ZCCHC2: variants seen among roughly 807,000 people sequenced by gnomAD.
ZCCHC2 encodes the protein zinc finger CCHC domain-containing protein 2.
Under a neutral mutation model 103.6 loss-of-function variants are expected in ZCCHC2, and 39 were observed. The observed-to-expected ratio is 0.38, with a 90% CI of 0.29 to 0.49. The LOEUF is 0.49. Among genes scored for constraint, ZCCHC2 ranks in the 20% least tolerant of loss-of-function variants. The pLI is 0.96. For synonymous variants in ZCCHC2, 687 were observed against 608.9 expected, an observed-to-expected ratio of 1.13 and a Z score of -1.89; for missense variants, 1,483 against 1,491.0, an observed-to-expected ratio of 0.99 and a Z score of 0.09.
intron 5 of ZCCHC2, among the ~76,000 whole-genome samples, chr18:62,555,676 C>T (rs1490749962): frequency 6.6e-6 from 1 of 152,142 alleles, no homozygotes; most frequent in Admixed American, 6.5e-5. Flanking sequence ...GGCGTGGTGG[C>T]ACATGCCTGT....
chr18:62,530,038 C>G (rs756429188), intron 1 of ZCCHC2, among the ~76,000 whole-genome samples: 1 of 152,146 alleles, frequency 6.6e-6, no homozygotes, highest in Non-Finnish European at 1.5e-5. Context: ...TACACAAATA[C>G]TAGGCCATTT....
rs1291082816 is a variant in ZCCHC2, at chr18:62,578,120, T to G, written c.*1541T>G. 1 of 152,496 alleles carries G rather than the reference T, an allele frequency of 6.6e-6. No individual in the cohort carries two copies. Among genetic ancestry groups the G allele is most frequent in the African/African-American group, 2.4e-5 (1 of 41,398 alleles). The allele number at this position is 152,496 out of a possible 1,614,324, so 9.4% of individuals were successfully genotyped here. On this transcript the variant is annotated 3_prime_UTR_variant, in exon 14 of 14. Coordinates refer to ENST00000269499, the MANE Select transcript of ZCCHC2 (RefSeq NM_017742.6). ...ATGCTTCATAAGTAGCATTTATATTTATAGCACCAATGTACATTTTGAAAC... is the reference window on the plus strand; with the variant it reads ...ATGCTTCATAAGTAGCATTTATATTGATAGCACCAATGTACATTTTGAAAC...
chr18:62,525,889 G>T (rs1914366506), intron 1 of ZCCHC2: 1 of 151,934 alleles, frequency 6.6e-6, no homozygotes, highest in Non-Finnish European at 1.5e-5. Context: ...ATTAAATTTA[G>T]AGACAAAAAC....
chr18:62,554,454 A>T (rs1598949590), intron 5 of ZCCHC2, among the ~76,000 whole-genome samples: 1 of 152,232 alleles, frequency 6.6e-6, no homozygotes, highest in Non-Finnish European at 1.5e-5. Flanking sequence ...CATTTGATTT[A>T]TCAAATAGTT....
intron 1 of ZCCHC2, among the ~76,000 whole-genome samples, chr18:62,538,260 CAAAAA>C (rs35609138): frequency 0.013 from 1,549 of 122,632 alleles, 36 homozygotes; most frequent in African/African-American, 0.045. Context: ...GACCCTGTCT[CAAAAA>C]AAAAAAAAAA....
intron 8 of ZCCHC2, among the ~76,000 whole-genome samples, chr18:62,562,482 A>G (rs1167374069): frequency 6.6e-6 from 1 of 151,980 alleles, no homozygotes; most frequent in East Asian, 1.9e-4. Context: ...TATAAGTTCT[A>G]TAATTTACTT....
At chr18:62,573,868 A>C (rs1254893350) in intron 12 of ZCCHC2, among the ~76,000 whole-genome samples, 189 bp from the exon 13 acceptor site, 1 of 152,250 alleles carries the variant, frequency 6.6e-6, no homozygotes, top group Non-Finnish European at 1.5e-5. Flanking sequence ...TATTTTAAAA[A>C]TAAAGCGTTG....
rs1375765942 is a variant in ZCCHC2 at position 62,542,541 on chromosome 18, AAG to A, written c.1098_1099del (p.Arg366SerfsTer2). ...TAATGTTGAAAGGAGTCCAGAGAAA[AAG>A]AGCTGACAAATACTGGGAGTACACT... ...KIMLKGVQRK[R>X]ADKYWEYTFK... On this transcript the variant is annotated frameshift_variant, in exon 3 of 14. Transcript: ENST00000269499. LOFTEE classifies it high-confidence loss of function. 1 of 1,565,804 alleles carries A rather than the reference AAG, an allele frequency of 6.4e-7. No individual in the cohort carries two copies.
chr18:62,546,579 A>G (rs1430738827), intron 4 of ZCCHC2, among the ~76,000 whole-genome samples: 1 of 152,162 alleles, frequency 6.6e-6, no homozygotes, highest in Non-Finnish European at 1.5e-5. Context: ...AGCCTTGAAA[A>G]GGGGGGTTCA....
rs1328000797 is a variant in ZCCHC2 at position 62,524,020 on chromosome 18, A to G, written c.596A>G (p.Asp199Gly). The G allele has an allele frequency of 2.0e-5, 29 of 1,478,218 alleles. 1 individual carries two copies. The allele number at this position is 1,478,218 out of a possible 1,614,324, so 91.6% of individuals were successfully genotyped here. A position where few individuals can be genotyped will look rare whatever the true frequency, so the allele number is the denominator to read the frequency against. ...CTGCACCGCCTGCTACCCCAGGTGG[A>G]CTCGGTGCTCAAAAGCCTGCGCGCG... ...GRLHRLLPQV[D>G]SVLKSLRAAR... Residue 199 changes from aspartate (D) to glycine (G), a missense_variant, in exon 1 of 14, where the codon GAC (aspartate) becomes GGC (glycine). Asp to Gly is a moderately conservative substitution (Grantham distance 94). Around this residue, in one of 3 missense-constraint regions of ZCCHC2, gnomAD observed 568 missense variants for 525.1 expected, o/e 1.08. Transcript: ENST00000269499.
At chr18:62,570,374 G>T in intron 12 of ZCCHC2, 143 bp downstream of exon 12, 3 of 1,063,504 alleles carry the variant, frequency 2.8e-6, no homozygotes, top group Admixed American at 5.4e-5. Context: ...ATGTAAAGTC[G>T]TTATAAAGGA....
exon 15 of ZCCHC2, chr18:62,584,566 C>T (rs560516193): frequency 2.6e-5 from 4 of 152,294 alleles, no homozygotes; most frequent in Admixed American, 6.5e-5. Flanking sequence ...GATGTTATTT[C>T]CTACTGACCT....
At chr18:62,585,755 C>G (rs1917154897) in exon 15 of ZCCHC2, 1 of 152,268 alleles carries the variant, frequency 6.6e-6, no homozygotes, top group Non-Finnish European at 1.5e-5. Context: ...ATAGTGGACT[C>G]TCAAGAAGTT....
At chr18:62,565,570 A>G (rs955253590) in intron 11 of ZCCHC2, among the ~76,000 whole-genome samples, 1 of 152,226 alleles carries the variant, frequency 6.6e-6, no homozygotes, top group African/African-American at 2.4e-5. Flanking sequence ...TTGTTATACT[A>G]GATGGCTTCC....
chr18:62,556,703 T>A (rs1915898410), intron 6 of ZCCHC2, among the ~76,000 whole-genome samples: 1 of 152,212 alleles, frequency 6.6e-6, no homozygotes, highest in Non-Finnish European at 1.5e-5. Context: ...CTTCTCACTC[T>A]GCCTCTTTGT....
intron 11 of ZCCHC2, among the ~76,000 whole-genome samples, chr18:62,567,953 A>AAAAAAAG (rs1485826547): frequency 6.7e-6 from 1 of 150,126 alleles, no homozygotes; most frequent in African/African-American, 2.5e-5. Flanking sequence ...TCAAAAAAAA[A>AAAAAAAG]AAAAAAGAAT....
At chr18:62,547,358 C>T (rs1915461490) in intron 4 of ZCCHC2, among the ~76,000 whole-genome samples, 1 of 150,996 alleles carries the variant, frequency 6.6e-6, no homozygotes, top group Non-Finnish European at 1.5e-5. Context: ...GGAGCAAAAT[C>T]TGTCCTTTGG....
chr18:62,528,089 T>A (rs1182997815), intron 1 of ZCCHC2, among the ~76,000 whole-genome samples: 1 of 152,206 alleles, frequency 6.6e-6, no homozygotes, highest in Non-Finnish European at 1.5e-5. Context: ...CTCTGGAGAT[T>A]GTGTCACCAA....
chr18:62,539,801 T>C lies in ZCCHC2; in HGVS notation c.1051+9T>C. On this transcript the variant is annotated intron_variant, in intron 2 of 13. Transcript: ENST00000269499. ...CAGAGCTCAGCGAGAAGGTATGCTCTCTTTTTTGTAAACTTAAAGCATTAA... is the reference window on the plus strand; with the variant it reads ...CAGAGCTCAGCGAGAAGGTATGCTCCCTTTTTTGTAAACTTAAAGCATTAA... 6.3e-7 allele frequency: 1 copy of C among 1,593,034 alleles called. No homozygotes were observed. The highest frequency in any genetic ancestry group is 2.3e-5 in the East Asian group (1 of 44,318).
Sources: gnomAD v4.1 joint callset for allele counts (sites outside exome capture counted in the v4.1 genomes callset) on GRCh38, gnomAD v4.1.1 for gene constraint, gnomAD v4.1.1 regional missense constraint, MANE v1.5 for transcripts, NCBI Gene and HGNC (gene_info 2026-07-23, HGNC 2026-07-21) for gene names.